The following NWD1 variants were observed in gnomAD, a reference collection of about 807,000 sequenced individuals.
NWD1 encodes NACHT domain- and WD repeat-containing protein 1.
A neutral mutation model predicts 135.1 loss-of-function variants in NWD1; 129 were observed. That is an observed-to-expected ratio of 0.96 (90% CI 0.83 to 1.11). NWD1 has a LOEUF of 1.11. Ranked by LOEUF, NWD1 falls within the 50% of genes least tolerant of loss-of-function variation. The pLI is 0.00. For synonymous variants in NWD1, 773 were observed against 786.0 expected, an observed-to-expected ratio of 0.98 and a Z score of 0.28; for missense variants, 1,740 against 1,851.3, an observed-to-expected ratio of 0.94 and a Z score of 1.10.
chr19:16,785,951 G>A (rs1372859885), intron 12 of NWD1, among the ~76,000 whole-genome samples: 7 of 151,534 alleles, frequency 4.6e-5, no homozygotes, highest in Admixed American at 1.3e-4. Context: ...TGCAACCTCC[G>A]CCTCCCAGGT....
rs367619006 is a variant in NWD1 at position 16,791,596 on chromosome 19, G to C, written c.3187G>C (p.Gly1063Arg). The C allele has an allele frequency of 1.9e-6, 3 of 1,614,034 alleles. No homozygotes were observed. In the African/African-American group the frequency reaches 4.0e-5, roughly 22 times the overall value. The change falls in exon 14 of 19, where the codon GGG becomes CGG. Residue 1063 changes from glycine (G) to arginine (R), a missense_variant. Physicochemically the swap from Gly to Arg is moderately radical, Grantham distance 125. Transcript: ENST00000524140. ...CCAGAAGCAAGGAAAGCTTGTTACC[G>C]GGTTTAGCAATGGCTCCATCTCTTT... ...SVQKQGKLVT[G>R]FSNGSISLVS...
chr19:16,750,812 A>G (rs984310623), intron 6 of NWD1, among the ~76,000 whole-genome samples: 1 of 152,000 alleles, frequency 6.6e-6, no homozygotes, highest in Non-Finnish European at 1.5e-5. Context: ...AGCTAAATAC[A>G]GTTTTTGTTT....
At chr19:16,779,565 G>A (rs968551587) in intron 12 of NWD1, 100 bp downstream of exon 12, 158 of 1,143,852 alleles carry the variant, frequency 1.4e-4, no homozygotes, top group Non-Finnish European at 1.1e-4. Context: ...TTGAAACCCT[G>A]GCCTTTGTTC....
chr19:16,794,903 T>C (rs551006405), intron 15 of NWD1, among the ~76,000 whole-genome samples: 3 of 152,254 alleles, frequency 2.0e-5, no homozygotes, highest in African/African-American at 7.2e-5. Flanking sequence ...CACGTCAGCT[T>C]CCTGAATAGC....
rs1252472442 is a variant in NWD1 at position 16,744,650 on chromosome 19, C to A, written c.428C>A (p.Ser143Tyr). 2 of 1,535,860 alleles carry A rather than the reference C, an allele frequency of 1.3e-6. No homozygotes were observed. Among genetic ancestry groups the A allele is most frequent in the Admixed American group, 3.9e-5 (2 of 50,932 alleles). ...GCCACCTTAACTTCTGTCCTACGCT[C>A]TGGAGCCCAGGAGGCCCGGAGGCTG... ...EEATLTSVLR[S>Y]GAQEARRLGL... The change falls in exon 5 of 19, where the codon TCT (serine) becomes TAT (tyrosine). Residue 143 changes from serine (S) to tyrosine (Y), a missense_variant. By Grantham distance (144) the Ser-to-Tyr change is moderately radical. Transcript: ENST00000524140.
rs530041330 is a variant in NWD1, at chr19:16,807,459, C to G, written c.3737-127C>G. 4 of 735,508 alleles carry G rather than the reference C, an allele frequency of 5.4e-6. No homozygotes were observed. The South Asian group carries it at 6.2e-5, about 11-fold the overall frequency. 45.6% of individuals were successfully genotyped at this position (735,508 alleles called of 1,614,324 possible). A position where few individuals can be genotyped will look rare whatever the true frequency, so the allele number is the denominator to read the frequency against. ...GGTGACCTGAGATCGTGCTATTGCACTACAGCCTGGGCAACAGAGTGAGAC... is the reference window on the plus strand; with the variant it reads ...GGTGACCTGAGATCGTGCTATTGCAGTACAGCCTGGGCAACAGAGTGAGAC... On this transcript the variant is annotated intron_variant, in intron 17 of 18. Coordinates refer to ENST00000524140, the MANE Select transcript of NWD1 (RefSeq NM_001007525.5).
At chr19:16,730,911 CTTTT>C (rs11445714) in intron 2 of NWD1, among the ~76,000 whole-genome samples, 4 of 122,884 alleles carry the variant, frequency 3.3e-5, no homozygotes, top group East Asian at 2.3e-4. Context: ...TTCTTTCTTT[CTTTT>C]TTTTTTTTTT....
intron 13 of NWD1, among the ~76,000 whole-genome samples, chr19:16,790,189 T>C (rs996735642): frequency 5.9e-4 from 90 of 152,260 alleles, no homozygotes; most frequent in African/African-American, 2.1e-3. Context: ...AAAAAAAATC[T>C]TTATTTAACT....
At chr19:16,797,700 G>A (rs774068775) in intron 15 of NWD1, 32 bp from the exon 16 acceptor site, 7 of 1,602,850 alleles carry the variant, frequency 4.4e-6, no homozygotes, top group South Asian at 3.3e-5. Context: ...CTCTGGACAT[G>A]AGAGGTGTAA....
At chr19:16,735,837 G>A (rs187231926) in intron 3 of NWD1, among the ~76,000 whole-genome samples, 148 of 61,084 alleles carry the variant, frequency 2.4e-3, no homozygotes, top group African/African-American at 9.4e-3. Context: ...AAAGAAGGAA[G>A]GAAGGAAGGA....
intron 10 of NWD1, among the ~76,000 whole-genome samples, chr19:16,771,238 G>A (rs1043277846): frequency 2.6e-5 from 4 of 152,218 alleles, no homozygotes; most frequent in Non-Finnish European, 5.9e-5. Flanking sequence ...GATTGCTTGA[G>A]GCCAGGAGTT....
At chr19:16,779,544 A>G in intron 12 of NWD1, 79 bp downstream of exon 12, 1 of 1,366,360 alleles carries the variant, frequency 7.3e-7, no homozygotes, top group Non-Finnish European at 1.0e-6. Context: ...CCACAGATTC[A>G]CTTCTCTGTA....
In NWD1 at chr19:16,759,238, G is replaced by C; in HGVS notation, c.1783G>C (p.Glu595Gln). The change falls in exon 7 of 19, where the codon GAG becomes CAG. Residue 595 changes from glutamate (E) to glutamine (Q), a missense_variant. Coordinates refer to ENST00000524140, the MANE Select transcript of NWD1 (RefSeq NM_001007525.5). The stretch of plus-strand genomic sequence containing the variant: ...TCCTCCCTTCAGACACGGTCTCTCG[G>C]AGGCGGAGCTGAAGGATGTTTTGTC... The part of the protein sequence containing the change: ...YIVSSRHGLS[E>Q]AELKDVLSLD... 1 of 1,613,946 alleles carries C rather than the reference G, an allele frequency of 6.2e-7. No individual in the cohort carries two copies. Among genetic ancestry groups the C allele is most frequent in the Middle Eastern group, 1.6e-4 (1 of 6,062 alleles).
intron 7 of NWD1, among the ~76,000 whole-genome samples, chr19:16,761,320 GTT>G (rs1452833818): frequency 6.8e-6 from 1 of 147,524 alleles, no homozygotes; most frequent in African/African-American, 2.7e-5. Flanking sequence ...CATGTGTAAG[GTT>G]TTGTTTGAAC....
chr19:16,788,750 A>G (rs1599534883), intron 12 of NWD1, among the ~76,000 whole-genome samples: 1 of 151,954 alleles, frequency 6.6e-6, no homozygotes, highest in Non-Finnish European at 1.5e-5. Context: ...TTTTTCTGTT[A>G]TTAGGCATAC....
intron 3 of NWD1, among the ~76,000 whole-genome samples, chr19:16,733,538 C>A (rs1206675191): frequency 8.5e-5 from 12 of 140,516 alleles, no homozygotes; most frequent in South Asian, 2.3e-4. Context: ...AAAAAAAAAT[C>A]AAGTGGCTCT....
chr19:16,790,642 TAAATAAATAAATA>T (rs752180002), intron 13 of NWD1, among the ~76,000 whole-genome samples: 17,202 of 70,652 alleles, frequency 0.24, 1,850 homozygotes, highest in African/African-American at 0.36. Context: ...TAAAAAAAAA[TAAATAAATAAATA>T]AATAAATAAA....
chr19:16,802,787 G>A (rs1970641490), intron 17 of NWD1, among the ~76,000 whole-genome samples: 1 of 151,962 alleles, frequency 6.6e-6, no homozygotes, highest in Non-Finnish European at 1.5e-5. Flanking sequence ...CATCATTTGA[G>A]GTCAGGTGTT....
intron 11 of NWD1, among the ~76,000 whole-genome samples, chr19:16,775,491 T>C (rs1222007546): frequency 6.6e-6 from 1 of 152,012 alleles, no homozygotes; most frequent in African/African-American, 2.4e-5. Flanking sequence ...CTGCTCCAAC[T>C]CCTACCATCA....
Sources: allele counts gnomAD v4.1 joint callset (sites outside exome capture counted in the v4.1 genomes callset), GRCh38; gene constraint gnomAD v4.1.1; transcripts MANE v1.5; gene names NCBI Gene and HGNC (gene_info 2026-07-23, HGNC 2026-07-21).